LANCL3: variants seen among roughly 807,000 people sequenced by gnomAD.
The protein encoded by LANCL3 is LanC like family member 3.
In LANCL3, 19 loss-of-function variants were observed where a neutral mutation model predicts 26.5. The ratio of observed to expected loss-of-function variants is 0.72; its 90% confidence interval spans 0.50 to 1.05. The LOEUF (loss-of-function observed/expected upper bound fraction) is 1.05. Among genes scored for constraint, LANCL3 ranks in the 50% least tolerant of loss-of-function variants. The pLI, the probability that LANCL3 is intolerant of heterozygous loss-of-function variation, is 0.00. For synonymous variants in LANCL3, 160 were observed against 166.6 expected, an observed-to-expected ratio of 0.96 and a Z score of 0.30; for missense variants, 318 against 362.7, an observed-to-expected ratio of 0.88 and a Z score of 1.00.
intron 2 of LANCL3, among the ~76,000 whole-genome samples, chrX:37,657,070 A>G (rs1926301950): frequency 8.9e-6 from 1 of 112,821 alleles, no homozygotes; most frequent in Non-Finnish European, 1.9e-5. Context: ...TAGAGACTTT[A>G]TAGAACACAT....
At chrX:37,658,398 C>A (rs897176733) in intron 2 of LANCL3, among the ~76,000 whole-genome samples, 2 of 112,266 alleles carry the variant, frequency 1.8e-5, no homozygotes, top group Non-Finnish European at 3.8e-5. Flanking sequence ...CAGGAGAAGG[C>A]CAATGTCCCA....
At chrX:37,620,678 C>T (rs782738738) in intron 1 of LANCL3, among the ~76,000 whole-genome samples, 10 of 111,674 alleles carry the variant, frequency 9.0e-5, no homozygotes, top group Admixed American at 1.9e-4. Flanking sequence ...ATTCCTATGG[C>T]GGTCTTACTT....
Position 37,676,594 on chromosome X carries a change from G to C in LANCL3, c.*781G>C, listed in dbSNP as rs994904818. Reference sequence around the variant, plus strand: ...TTTCTCCATAGGAAGTGTGAACTGTGTATTGTCTATTGTTAGTAATTTTAA... The same window carrying C: ...TTTCTCCATAGGAAGTGTGAACTGTCTATTGTCTATTGTTAGTAATTTTAA... On this transcript the variant is annotated 3_prime_UTR_variant, in exon 5 of 5. Transcript: ENST00000378619. 9.0e-6 allele frequency: 1 copy of C among 111,593 alleles called. No individual in the cohort carries two copies. Among genetic ancestry groups the C allele is most frequent in the Non-Finnish European group, 1.9e-5 (1 of 53,077 alleles). The allele number at this position is 111,593 out of a possible 1,213,427, so 9.2% of individuals were successfully genotyped here.
chrX:37,583,275 G>A (rs1449637147), intron 1 of LANCL3, among the ~76,000 whole-genome samples: 3 of 111,803 alleles, frequency 2.7e-5, no homozygotes, highest in African/African-American at 3.3e-5. Context: ...TGTCCTTTTG[G>A]CTTAGGATTG....
rs782359398 is a variant in LANCL3 at position 37,667,327 on chromosome X, C to T, written c.941C>T (p.Pro314Leu). 13 of 1,149,872 alleles carry T rather than the reference C, an allele frequency of 1.1e-5. No individual in the cohort carries two copies. The South Asian group carries it at 1.3e-4, about 11-fold the overall frequency. 94.8% of individuals were successfully genotyped at this position (1,149,872 alleles called of 1,213,427 possible). Residue 314 changes from proline (P) to leucine (L), a missense_variant, in exon 4 of 5, where the codon CCG becomes CTG. Transcript: ENST00000378619. ...FAKAYLVSKK[P>L]QYLDTCIRCG... ...AAAGCTTATCTGGTTTCCAAGAAAC[C>T]GCAGTACCTGGACACATGTATTCGG... is the stretch of plus-strand genomic sequence containing the variant.
chrX:37,638,299 G>A (rs1925762873), intron 1 of LANCL3, among the ~76,000 whole-genome samples: 1 of 111,473 alleles, frequency 9.0e-6, no homozygotes, highest in African/African-American at 3.3e-5. Flanking sequence ...GCAAGGTTGT[G>A]CCCTGTATAA....
chrX:37,631,361 G>T (rs1220070662), intron 1 of LANCL3, among the ~76,000 whole-genome samples: 1 of 110,969 alleles, frequency 9.0e-6, no homozygotes, highest in Admixed American at 9.6e-5. Context: ...TATTAATCTT[G>T]CTAGCAGTCT....
At chrX:37,577,810 A>G (rs186471578) in intron 1 of LANCL3, among the ~76,000 whole-genome samples, 63 of 112,489 alleles carry the variant, frequency 5.6e-4, no homozygotes, top group African/African-American at 8.4e-4. Context: ...TTTGAAAACA[A>G]CAACAACAAA....
rs1926978214 is a variant in LANCL3 at position 37,683,118 on chromosome X, C to T, written c.*7305C>T. Reference sequence around the variant, plus strand: ...TGTATTTCCCAGCGAATAGAATTTACTGCTCCAAAAAGCTTTTTTGGCATA... The same window carrying T: ...TGTATTTCCCAGCGAATAGAATTTATTGCTCCAAAAAGCTTTTTTGGCATA... On this transcript the variant is annotated 3_prime_UTR_variant, in exon 5 of 5. Coordinates refer to ENST00000378619, the MANE Select transcript of LANCL3 (RefSeq NM_001170331.2). 8.9e-6 allele frequency: 1 copy of T among 111,785 alleles called. No individual in the cohort carries two copies. The highest frequency in any genetic ancestry group is 9.5e-5 in the Admixed American group (1 of 10,565). The allele number at this position is 111,785 out of a possible 1,213,427, so 9.2% of individuals were successfully genotyped here. A position where few individuals can be genotyped will look rare whatever the true frequency, so the allele number is the denominator to read the frequency against.
chrX:37,626,531 G>T (rs1229247206), intron 1 of LANCL3, among the ~76,000 whole-genome samples: 3 of 111,749 alleles, frequency 2.7e-5, no homozygotes, highest in Admixed American at 9.5e-5. Flanking sequence ...TCAATAACTG[G>T]AATTTTTTTC....
intron 1 of LANCL3, among the ~76,000 whole-genome samples, chrX:37,647,158 C>G (rs1926006850): frequency 1.8e-5 from 2 of 110,436 alleles, no homozygotes; most frequent in African/African-American, 6.6e-5. Context: ...ACTAAAAATA[C>G]AAAAAATTAG....
At chrX:37,620,382 A>G (rs1382508034) in intron 1 of LANCL3, among the ~76,000 whole-genome samples, 1 of 112,143 alleles carries the variant, frequency 8.9e-6, no homozygotes, top group African/African-American at 3.2e-5. Flanking sequence ...GATAACTGGT[A>G]ACACTTGGCT....
intron 1 of LANCL3, among the ~76,000 whole-genome samples, chrX:37,590,139 T>G (rs1409299083): frequency 9.8e-5 from 11 of 112,696 alleles, no homozygotes; most frequent in Non-Finnish European, 5.6e-5. Context: ...GATGTTGGAA[T>G]ATTTGCTTCT....
At chrX:37,605,889 A>G (rs896633189) in intron 1 of LANCL3, among the ~76,000 whole-genome samples, 5 of 111,729 alleles carry the variant, frequency 4.5e-5, no homozygotes, top group African/African-American at 1.3e-4. Context: ...CTAGTATACT[A>G]GACAGCTTGT....
At chrX:37,643,273 A>G (rs1556426133) in intron 1 of LANCL3, among the ~76,000 whole-genome samples, 1 of 112,415 alleles carries the variant, frequency 8.9e-6, no homozygotes, top group Non-Finnish European at 1.9e-5. Flanking sequence ...CCTGTGTTCT[A>G]GTTTCACCAC....
intron 1 of LANCL3, among the ~76,000 whole-genome samples, chrX:37,588,338 C>G (rs1924168601): frequency 9.0e-6 from 1 of 111,380 alleles, no homozygotes; most frequent in African/African-American, 3.3e-5. Context: ...CCAAGTCTTT[C>G]TCTTCATGAT....
intron 4 of LANCL3, chrX:37,668,257 C>CTATATATA (rs200578896): frequency 0.022 from 2,955 of 136,402 alleles, 139 homozygotes; most frequent in African/African-American, 0.11. Flanking sequence ...AATTGCTGGA[C>CTATATATA]TATATATATA....
rs1486500687 is a variant in LANCL3 at position 37,679,429 on chromosome X, A to G, written c.*3616A>G. 10 of 111,744 alleles carry G rather than the reference A, an allele frequency of 8.9e-5. No homozygotes were observed. In the Admixed American group the frequency reaches 9.5e-4, roughly 11 times the overall value. The allele number at this position is 111,744 out of a possible 1,213,427, so 9.2% of individuals were successfully genotyped here. ...ACCAAGACTTACTACATGGGAATAG[A>G]CTGATTTAGCTCAGGAGCTCCTTTT... is the stretch of plus-strand genomic sequence containing the variant. On this transcript the variant is annotated 3_prime_UTR_variant, in exon 5 of 5. Coordinates refer to ENST00000378619, the MANE Select transcript of LANCL3 (RefSeq NM_001170331.2).
chrX:37,584,043 GT>G (rs1180951830), intron 1 of LANCL3, among the ~76,000 whole-genome samples: 8 of 111,763 alleles, frequency 7.2e-5, no homozygotes, highest in Non-Finnish European at 1.3e-4. Flanking sequence ...GTTTAATTTT[GT>G]CAAAGGTCTT....
Sources: allele counts gnomAD v4.1 joint callset (sites outside exome capture counted in the v4.1 genomes callset), GRCh38; gene constraint gnomAD v4.1.1; transcripts MANE v1.5; gene names NCBI Gene and HGNC (gene_info 2026-07-23, HGNC 2026-07-21).